Variants in ARB2A observed in about 807,000 individuals in gnomAD.
ARB2A encodes the protein ARB2 cotranscriptional regulator A, also known as cotranscriptional regulator ARB2A.
the ARB2A span, among the ~76,000 whole-genome samples, chr5:93,797,719 A>C: frequency 1.3e-5 from 2 of 152,294 alleles, no homozygotes; most frequent in South Asian, 4.1e-4. Flanking sequence ...CTGAGTGTTA[A>C]TAATATAAAA....
the ARB2A span, among the ~76,000 whole-genome samples, chr5:94,021,620 G>A: frequency 2.0e-5 from 3 of 152,146 alleles, no homozygotes; most frequent in Non-Finnish European, 2.9e-5. Flanking sequence ...TTGGTTATAC[G>A]GTCAAACAGA....
chr5:94,015,468 C>T, the ARB2A span, among the ~76,000 whole-genome samples: 2 of 151,740 alleles, frequency 1.3e-5, no homozygotes, highest in Admixed American at 6.6e-5. Flanking sequence ...GGTATAAAAT[C>T]GACAGTTAAA....
At chr5:93,891,367 A>G in the ARB2A span, among the ~76,000 whole-genome samples, 1 of 152,084 alleles carries the variant, frequency 6.6e-6, no homozygotes, top group Non-Finnish European at 1.5e-5. Flanking sequence ...TTGTAAAAAT[A>G]TATTATTTCA....
chr5:93,700,458 T>C, the ARB2A span, among the ~76,000 whole-genome samples: 1 of 151,992 alleles, frequency 6.6e-6, no homozygotes, highest in African/African-American at 2.4e-5. Flanking sequence ...AGGGTAATGG[T>C]AGTTATAATG....
At chr5:93,986,829 G>A in the ARB2A span, among the ~76,000 whole-genome samples, 1 of 152,040 alleles carries the variant, frequency 6.6e-6, no homozygotes, top group Non-Finnish European at 1.5e-5. Context: ...TGCTAGTTAA[G>A]AGTCATCACC....
chr5:93,654,474 T>A, the ARB2A span, among the ~76,000 whole-genome samples: 1 of 152,186 alleles, frequency 6.6e-6, no homozygotes, highest in South Asian at 2.1e-4. Flanking sequence ...GAAATGTTCT[T>A]TCTACTTCAG....
At chr5:93,986,188 G>A in the ARB2A span, among the ~76,000 whole-genome samples, 1,870 of 149,624 alleles carry the variant, frequency 0.012, 35 homozygotes, top group African/African-American at 0.043. Flanking sequence ...CTGCCTGGCC[G>A]CGACCCCGTC....
the ARB2A span, among the ~76,000 whole-genome samples, chr5:93,686,956 T>A: frequency 1.3e-5 from 2 of 151,650 alleles, no homozygotes; most frequent in Non-Finnish European, 2.9e-5. Flanking sequence ...AAAAAAAAAC[T>A]GCATTTTTGG....
chr5:94,039,204 T>A, the ARB2A span, among the ~76,000 whole-genome samples: 1 of 152,308 alleles, frequency 6.6e-6, no homozygotes, highest in African/African-American at 2.4e-5. Flanking sequence ...CAGAGGTGTT[T>A]GAACCAAAGC....
chr5:93,661,751 G>A, the ARB2A span, among the ~76,000 whole-genome samples: 7 of 152,224 alleles, frequency 4.6e-5, no homozygotes, highest in Admixed American at 1.3e-4. Context: ...GCTGCAGGTT[G>A]GAAAAGCTTG....
At chr5:94,022,164 A>G in the ARB2A span, among the ~76,000 whole-genome samples, 2 of 152,216 alleles carry the variant, frequency 1.3e-5, no homozygotes, top group Non-Finnish European at 2.9e-5. Context: ...ACTGCACTCC[A>G]GCTTGAGCAA....
chr5:94,073,425 A>G, the ARB2A span, among the ~76,000 whole-genome samples: 1 of 152,104 alleles, frequency 6.6e-6, no homozygotes, highest in Non-Finnish European at 1.5e-5. Context: ...AGAGAAGTTA[A>G]GCAACTTGTT....
chr5:93,759,729 C>G, the ARB2A span, among the ~76,000 whole-genome samples: 7 of 152,210 alleles, frequency 4.6e-5, no homozygotes, highest in East Asian at 1.2e-3. Flanking sequence ...GCAAAATTGG[C>G]ATACAAGGGA....
chr5:94,055,721 G>A, the ARB2A span: 8 of 985,290 alleles, frequency 8.1e-6, no homozygotes, highest in African/African-American at 1.7e-5. Context: ...TTGACTTGCA[G>A]TAGCCAGAAT....
At chr5:93,992,597 G>A in the ARB2A span, among the ~76,000 whole-genome samples, 1 of 152,018 alleles carries the variant, frequency 6.6e-6, no homozygotes, top group African/African-American at 2.4e-5. Context: ...ATACACCAGC[G>A]CTTTGCCTAT....
the ARB2A span, among the ~76,000 whole-genome samples, chr5:93,827,397 T>C: frequency 6.6e-6 from 1 of 152,240 alleles, no homozygotes; most frequent in African/African-American, 2.4e-5. Context: ...ATGTCTTCTT[T>C]TGAGAAGTGT....
At chr5:93,900,930 G>A in the ARB2A span, among the ~76,000 whole-genome samples, 8 of 152,230 alleles carry the variant, frequency 5.3e-5, no homozygotes, top group East Asian at 9.6e-4. Flanking sequence ...CACATAAACC[G>A]AAACCGACAG....
chr5:93,887,291 A>G, the ARB2A span, among the ~76,000 whole-genome samples: 2 of 151,538 alleles, frequency 1.3e-5, no homozygotes, highest in Non-Finnish European at 3.0e-5. Flanking sequence ...TTTCACAAAC[A>G]AAAAGAAAAG....
the ARB2A span, among the ~76,000 whole-genome samples, chr5:93,767,829 C>A: frequency 3.3e-5 from 5 of 151,268 alleles, no homozygotes; most frequent in African/African-American, 1.2e-4. Flanking sequence ...CCCGTCTCTA[C>A]TAAAAATACA....
Sources: gnomAD v4.1 joint callset for allele counts (sites outside exome capture counted in the v4.1 genomes callset) on GRCh38, gnomAD v4.1.1 for gene constraint, MANE v1.5 for transcripts, NCBI Gene and HGNC (gene_info 2026-07-23, HGNC 2026-07-21) for gene names.